CNMD: variants seen among roughly 807,000 people sequenced by gnomAD.
CNMD encodes the protein leukocyte cell-derived chemotaxin 1.
CNMD carries 30 observed loss-of-function variants against 37.5 expected under a neutral mutation model. The observed-to-expected ratio is 0.80, with a 90% CI of 0.60 to 1.09. The LOEUF is 1.09. Ranked by LOEUF, CNMD falls within the 50% of genes least tolerant of loss-of-function variation. CNMD has a pLI of 0.00. For missense variants in CNMD, 398 were observed against 423.9 expected (o/e 0.94, Z 0.54); for synonymous variants, 167 against 148.2 (o/e 1.13, Z -0.92).
At chr13:52,713,842 G>C (rs958665109) in intron 4 of CNMD, among the ~76,000 whole-genome samples, 1 of 152,082 alleles carries the variant, frequency 6.6e-6, no homozygotes, top group Non-Finnish European at 1.5e-5. Context: ...GGGTGATTGG[G>C]ATAATGCATA....
At chr13:52,716,342 CTTTAA>C (rs1189141605) in intron 4 of CNMD, among the ~76,000 whole-genome samples, 1 of 152,090 alleles carries the variant, frequency 6.6e-6, no homozygotes, top group African/African-American at 2.4e-5. Context: ...TGCAGAAGCT[CTTTAA>C]TTTAATTAGA....
At chr13:52,720,770 C>G (rs539339747) in intron 4 of CNMD, among the ~76,000 whole-genome samples, 4 of 152,168 alleles carry the variant, frequency 2.6e-5, no homozygotes, top group Non-Finnish European at 4.4e-5. Context: ...CCCAGTCAGG[C>G]ACAGGGGGGT....
intron 3 of CNMD, among the ~76,000 whole-genome samples, chr13:52,724,989 TAGAC>T (rs369804973): frequency 5.8e-4 from 89 of 152,344 alleles, no homozygotes; most frequent in African/African-American, 8.7e-4. Context: ...GGTGGTAATT[TAGAC>T]AGACAGCATA....
intron 3 of CNMD, among the ~76,000 whole-genome samples, chr13:52,728,046 T>G (rs1432757601): frequency 6.6e-6 from 1 of 152,104 alleles, no homozygotes; most frequent in African/African-American, 2.4e-5. Context: ...ATCACATATA[T>G]CTCATAAATA....
chr13:52,719,341 T>C (rs141676007), intron 4 of CNMD, among the ~76,000 whole-genome samples: 1,592 of 152,316 alleles, frequency 0.01, 24 homozygotes, highest in African/African-American at 0.036. Context: ...AGGTTAATAT[T>C]GTTATGTGTG....
rs9536244 is a variant in CNMD, at chr13:52,703,511, T to C, written c.*84A>G. 0.95 allele frequency: 837,072 copies of C among 880,484 alleles called. 398,095 individuals are homozygous for C. Among genetic ancestry groups the C allele is most frequent in the East Asian group, 0.99 (40,432 of 40,748 alleles). The allele number at this position is 880,484 out of a possible 1,614,324, so 54.5% of individuals were successfully genotyped here. ...TGAGTGTAAAAATATTTTGTGGTCC[T>C]ATCAGCATCAACCTGCCTTAATGCT... On this transcript the variant is annotated 3_prime_UTR_variant, in exon 7 of 7. Transcript: ENST00000377962.
At chr13:52,712,486 C>T (rs1337912073) in intron 5 of CNMD, among the ~76,000 whole-genome samples, 1 of 152,162 alleles carries the variant, frequency 6.6e-6, no homozygotes, top group Admixed American at 6.5e-5. Context: ...ATGGCATTGT[C>T]TTCCTGATCT....
chr13:52,711,256 C>G (rs1462596851), intron 5 of CNMD, among the ~76,000 whole-genome samples: 1 of 152,184 alleles, frequency 6.6e-6, no homozygotes, highest in Non-Finnish European at 1.5e-5. Flanking sequence ...ACACTGCAGA[C>G]TCTTGTCCTC....
rs762920734 is a variant in CNMD at position 52,712,763 on chromosome 13, A to G, written c.575T>C (p.Leu192Pro). The G allele has an allele frequency of 6.4e-7, 1 of 1,560,960 alleles. No individual in the cohort carries two copies. Among genetic ancestry groups the G allele is most frequent in the Non-Finnish European group, 8.7e-7 (1 of 1,153,886 alleles). ...NSFLSSKVLE[L>P]CGDLPIFWLK... is the part of the protein sequence containing the mutation. Reference sequence around the variant, plus strand: ...CCAGAAAATAGGAAGGTCACCGCAGAGTTCTAACACCTTAGAACTCAAGAA... The same window carrying G: ...CCAGAAAATAGGAAGGTCACCGCAGGGTTCTAACACCTTAGAACTCAAGAA... Residue 192 changes from leucine to proline, a missense_variant, in exon 5 of 7, where the codon CTC becomes CCC. By Grantham distance (98) the Leu-to-Pro change is moderately conservative. Transcript: ENST00000377962.
intron 5 of CNMD, 70 bp downstream of exon 5, chr13:52,712,646 G>C: frequency 8.0e-6 from 8 of 1,005,514 alleles, no homozygotes; most frequent in Non-Finnish European, 9.6e-6. Flanking sequence ...GCCTGTGGAG[G>C]GGGTTGGAGG....
chr13:52,721,503 C>T (rs2138248579), intron 4 of CNMD, among the ~76,000 whole-genome samples: 1 of 152,226 alleles, frequency 6.6e-6, no homozygotes, highest in East Asian at 1.9e-4. Flanking sequence ...AGGCACTGTT[C>T]CTCATGGCAT....
intron 2 of CNMD, 107 bp from the exon 3 acceptor site, chr13:52,733,466 T>C (rs751411663): frequency 3.2e-6 from 3 of 928,660 alleles, no homozygotes; most frequent in African/African-American, 1.6e-5. Context: ...CAGAGATACA[T>C]GAGATAGTCC....
intron 3 of CNMD, among the ~76,000 whole-genome samples, 178 bp from the exon 4 acceptor site, chr13:52,724,288 G>C (rs1185134743): frequency 1.3e-5 from 2 of 151,752 alleles, no homozygotes; most frequent in Non-Finnish European, 2.9e-5. Flanking sequence ...AAAAACAGCC[G>C]GGCGGCCTGG....
chr13:52,724,812 G>A (rs866257267), intron 3 of CNMD, among the ~76,000 whole-genome samples: 8 of 152,058 alleles, frequency 5.3e-5, no homozygotes, highest in African/African-American at 1.7e-4. Context: ...CCGGAGAATC[G>A]CTTGAACCCG....
At chr13:52,706,716 G>C (rs1964181173) in intron 6 of CNMD, among the ~76,000 whole-genome samples, 1 of 116,628 alleles carries the variant, frequency 8.6e-6, no homozygotes, top group Non-Finnish European at 1.7e-5. Flanking sequence ...TAAAAGTTTT[G>C]TGTTAAAAGT....
rs886940294 is a variant in CNMD, at chr13:52,724,027, G to A, written c.438C>T (p.Ala146=). ...TGGAGGAGATGCTCTGTTTGGTCACGGCGCCCACCTCAGGAATACGAGCCT... is the reference window on the plus strand; with the variant it reads ...TGGAGGAGATGCTCTGTTTGGTCACAGCGCCCACCTCAGGAATACGAGCCT... ...QVKARIPEVG[A]VTKQSISSKL... is the part of the protein sequence containing the mutation. The change falls in exon 4 of 7, where the codon GCC becomes GCT. Residue 146 remains alanine (A), a synonymous_variant. Coordinates refer to ENST00000377962, the MANE Select transcript of CNMD (RefSeq NM_007015.3). 7 of 1,613,670 alleles carry A rather than the reference G, an allele frequency of 4.3e-6. No individual in the cohort carries two copies. The highest frequency in any genetic ancestry group is 2.2e-5 in the East Asian group (1 of 44,882).
intron 4 of CNMD, among the ~76,000 whole-genome samples, chr13:52,715,466 A>G (rs1031980978): frequency 2.0e-5 from 3 of 152,118 alleles, no homozygotes; most frequent in African/African-American, 7.2e-5. Context: ...CTCGTCATCT[A>G]CATTAGATAT....
chr13:52,724,171 T>C, intron 3 of CNMD, 61 bp from the exon 4 acceptor site: 2 of 1,240,708 alleles, frequency 1.6e-6, no homozygotes, highest in Non-Finnish European at 2.4e-6. Flanking sequence ...ATTTATTGAG[T>C]GTCTACTGTG....
intron 4 of CNMD, among the ~76,000 whole-genome samples, chr13:52,715,226 T>C (rs1964352814): frequency 6.6e-6 from 1 of 152,168 alleles, no homozygotes; most frequent in African/African-American, 2.4e-5. Flanking sequence ...CTAGGTCTTA[T>C]TTAGTTTTTC....
Sources: allele counts gnomAD v4.1 joint callset (sites outside exome capture counted in the v4.1 genomes callset), GRCh38; gene constraint gnomAD v4.1.1; transcripts MANE v1.5; gene names NCBI Gene and HGNC (gene_info 2026-07-23, HGNC 2026-07-21).